EPHA3: variants seen among roughly 807,000 people sequenced by gnomAD.
EPHA3 encodes EPH receptor A3.
EPHA3 carries 42 observed loss-of-function variants against 107.1 expected under a neutral mutation model. The observed-to-expected ratio is 0.39, with a 90% CI of 0.31 to 0.51. EPHA3 has a LOEUF of 0.51. Ranked by LOEUF, EPHA3 falls within the 20% of genes least tolerant of loss-of-function variation. The probability of loss-of-function intolerance (pLI) is 0.78; values close to 1 mark genes in which losing one functional copy is unlikely to be tolerated. For missense variants in EPHA3, 1,183 were observed against 1,211.2 expected, an observed-to-expected ratio of 0.98 and a Z score of 0.35; for synonymous variants, 461 against 424.8, an observed-to-expected ratio of 1.09 and a Z score of -1.05.
At chr3:89,383,743 G>A (rs1576349003) in intron 5 of EPHA3, among the ~76,000 whole-genome samples, 1 of 148,788 alleles carries the variant, frequency 6.7e-6, no homozygotes, top group South Asian at 2.2e-4. Context: ...CCACCTCCCG[G>A]GTTCACGTCA....
At chr3:89,445,607 A>G (rs1428474223) in intron 13 of EPHA3, among the ~76,000 whole-genome samples, 1 of 152,164 alleles carries the variant, frequency 6.6e-6, no homozygotes, top group African/African-American at 2.4e-5. Context: ...AGTGTTTGTA[A>G]TAACATGTCC....
intron 2 of EPHA3, among the ~76,000 whole-genome samples, chr3:89,129,582 G>T (rs912815923): frequency 1.4e-5 from 2 of 146,420 alleles, no homozygotes; most frequent in Non-Finnish European, 3.0e-5. Flanking sequence ...ATATAGTGCA[G>T]ATTTAGAAAA....
chr3:89,405,253 C>T (rs1191926149), intron 7 of EPHA3, among the ~76,000 whole-genome samples: 1 of 152,114 alleles, frequency 6.6e-6, no homozygotes, highest in Non-Finnish European at 1.5e-5. Context: ...GAGCACAGAT[C>T]ACCCATTTGA....
chr3:89,442,252 G>A (rs1047025018), intron 13 of EPHA3, among the ~76,000 whole-genome samples: 3 of 152,098 alleles, frequency 2.0e-5, no homozygotes, highest in Non-Finnish European at 4.4e-5. Flanking sequence ...CAAGTATTAG[G>A]AGATTGGCTC....
At chr3:89,422,826 A>C (rs998107556) in intron 11 of EPHA3, among the ~76,000 whole-genome samples, 3 of 151,468 alleles carry the variant, frequency 2.0e-5, no homozygotes, top group Non-Finnish European at 4.4e-5. Flanking sequence ...ACTTTTCTTA[A>C]AGCTTTTTAT....
intron 13 of EPHA3, among the ~76,000 whole-genome samples, chr3:89,434,000 C>T (rs1211350052): frequency 6.6e-6 from 1 of 152,134 alleles, no homozygotes; most frequent in African/African-American, 2.4e-5. Flanking sequence ...TTTTCTAAGG[C>T]TATCCCTCTT....
chr3:89,435,874 A>G (rs1304824863), intron 13 of EPHA3, among the ~76,000 whole-genome samples: 1 of 150,588 alleles, frequency 6.6e-6, no homozygotes, highest in East Asian at 1.9e-4. Flanking sequence ...AACTGCTTGA[A>G]CCTGGGAGGC....
intron 5 of EPHA3, among the ~76,000 whole-genome samples, chr3:89,362,932 C>G (rs1309678214): frequency 6.6e-6 from 1 of 150,866 alleles, no homozygotes; most frequent in East Asian, 1.9e-4. Flanking sequence ...CCTCTTTCCT[C>G]CTAGAGTTTT....
intron 3 of EPHA3, among the ~76,000 whole-genome samples, chr3:89,242,058 T>G (rs1448492976): frequency 6.6e-6 from 1 of 152,178 alleles, no homozygotes; most frequent in Non-Finnish European, 1.5e-5. Context: ...GGTTGATTCT[T>G]TTAAGGTGCT....
At chr3:89,112,314 A>G (rs1707128959) in intron 1 of EPHA3, among the ~76,000 whole-genome samples, 1 of 152,062 alleles carries the variant, frequency 6.6e-6, no homozygotes, top group African/African-American at 2.4e-5. Context: ...GAATTGAATT[A>G]TGGTTGGCTC....
chr3:89,271,900 G>C (rs1223323847), intron 3 of EPHA3, among the ~76,000 whole-genome samples: 1 of 151,896 alleles, frequency 6.6e-6, no homozygotes, highest in Admixed American at 6.6e-5. Context: ...GAGACAGTAA[G>C]ACCAACCCTT....
In EPHA3 at chr3:89,342,133, C is replaced by T. The variant is rs746131143; in HGVS notation, c.1306+43C>T. On this transcript the variant is annotated intron_variant, in intron 5 of 16. Transcript: ENST00000336596. ...GCTTCTTACTCTTATCATATCACGT[C>T]TGAGTAATGGTTTTGACTCTGGGTG... 9.5e-5 allele frequency: 144 copies of T among 1,521,186 alleles called. No individual in the cohort carries two copies. In the Admixed American group the frequency reaches 2.8e-3, roughly 29 times the overall value. The allele number at this position is 1,521,186 out of a possible 1,614,324, so 94.2% of individuals were successfully genotyped here.
chr3:89,400,640 T>A (rs1014004133), intron 7 of EPHA3, among the ~76,000 whole-genome samples: 29 of 151,212 alleles, frequency 1.9e-4, no homozygotes, highest in African/African-American at 6.6e-4. Context: ...TGTGAGCGTG[T>A]GTGTGTGTGT....
chr3:89,437,353 A>T (rs1709693064), intron 13 of EPHA3, among the ~76,000 whole-genome samples: 1 of 152,048 alleles, frequency 6.6e-6, no homozygotes, highest in African/African-American at 2.4e-5. Flanking sequence ...AAGTCCCTGG[A>T]TTTCGTTTGG....
At chr3:89,381,046 C>T (rs1351808690) in intron 5 of EPHA3, among the ~76,000 whole-genome samples, 2 of 151,984 alleles carry the variant, frequency 1.3e-5, no homozygotes, top group Non-Finnish European at 2.9e-5. Context: ...CATCTCGGCT[C>T]ACTGCAAGCT....
At chr3:89,417,895 C>A (rs1165176655) in intron 10 of EPHA3, among the ~76,000 whole-genome samples, 1 of 151,318 alleles carries the variant, frequency 6.6e-6, no homozygotes, top group Non-Finnish European at 1.5e-5. Flanking sequence ...AAGCATAAGT[C>A]ATTGCTTTGA....
intron 2 of EPHA3, among the ~76,000 whole-genome samples, chr3:89,185,826 A>G (rs1321594673): frequency 6.6e-6 from 1 of 152,120 alleles, no homozygotes; most frequent in Non-Finnish European, 1.5e-5. Context: ...TTTTAGGGAC[A>G]AGCAACAGGA....
At chr3:89,193,020 T>G (rs1705755245) in intron 2 of EPHA3, among the ~76,000 whole-genome samples, 1 of 152,114 alleles carries the variant, frequency 6.6e-6, no homozygotes, top group African/African-American at 2.4e-5. Context: ...AGTTTGTAAA[T>G]AATCTCTGAA....
chr3:89,380,627 C>T (rs1169084353), intron 5 of EPHA3, among the ~76,000 whole-genome samples: 11 of 152,228 alleles, frequency 7.2e-5, no homozygotes, highest in Middle Eastern at 3.4e-3. Context: ...AGGGGTTTAG[C>T]TTATAATTTA....
Sources: gnomAD v4.1 joint callset for allele counts (sites outside exome capture counted in the v4.1 genomes callset) on GRCh38, gnomAD v4.1.1 for gene constraint, MANE v1.5 for transcripts, NCBI Gene and HGNC (gene_info 2026-07-23, HGNC 2026-07-21) for gene names.